The following POLN variants were observed in gnomAD, a reference collection of about 807,000 sequenced individuals.
POLN encodes DNA polymerase nu, also known as DNA polymerase N.
A neutral mutation model predicts 113.5 loss-of-function variants in POLN; 108 were observed. That is an observed-to-expected ratio of 0.95 (90% CI 0.81 to 1.12). POLN has a LOEUF of 1.12. POLN is among the 50% of genes most tolerant of loss of function. The probability of loss-of-function intolerance (pLI) is 0.00; values close to 1 mark genes in which losing one functional copy is unlikely to be tolerated. For missense variants in POLN, 1,097 were observed against 1,077.1 expected (o/e 1.02, Z -0.26); for synonymous variants, 386 against 391.5 (o/e 0.99, Z 0.17).
chr4:2,092,546 G>A (rs566636068), intron 20 of POLN, among the ~76,000 whole-genome samples: 1 of 152,348 alleles, frequency 6.6e-6, no homozygotes, highest in Admixed American at 6.5e-5. Context: ...CTCCCCCACG[G>A]TGGCTGCGGG....
At chr4:2,198,500 A>G in intron 6 of POLN, 24 bp downstream of exon 6, 1 of 1,587,900 alleles carries the variant, frequency 6.3e-7, no homozygotes, top group Non-Finnish European at 8.6e-7. Flanking sequence ...GTAGGGTGTG[A>G]GCCCATGTGT....
intron 13 of POLN, among the ~76,000 whole-genome samples, chr4:2,169,984 G>A (rs1732819873): frequency 1.3e-5 from 2 of 152,238 alleles, no homozygotes; most frequent in Non-Finnish European, 2.9e-5. Flanking sequence ...CACCCTCACA[G>A]GGCGGAGACT....
At chr4:2,199,575 C>T (rs926553438) in intron 5 of POLN, among the ~76,000 whole-genome samples, 1 of 151,960 alleles carries the variant, frequency 6.6e-6, no homozygotes, top group Non-Finnish European at 1.5e-5. Flanking sequence ...TATATATATA[C>T]TTTTATTTTA....
Position 2,072,990 on chromosome 4 carries a change from T to C in POLN, c.2495A>G (p.Gln832Arg). The C allele has an allele frequency of 1.2e-6, 2 of 1,613,450 alleles. No homozygotes were observed. The highest frequency in any genetic ancestry group is 1.7e-6 in the Non-Finnish European group (2 of 1,179,928). The change falls in exon 25 of 26, where the codon CAG becomes CGG. Residue 832 changes from glutamine (Q) to arginine (R), a missense_variant. Gln to Arg is a conservative substitution (Grantham distance 43). Transcript: ENST00000511885. ...CACCTGAAGCTGCAGCTCCAATGCC[T>C]GCACCTGTTCCAAGGACTCCATGGT... ...RRTMESLEQV[Q>R]ALELQLQVPL...
rs1406375493 is a variant in POLN, at chr4:2,179,341, G to A, written c.1146C>T (p.Asn382=). The change falls in exon 8 of 26, where the codon AAC becomes AAT. Residue 382 remains asparagine (N), a synonymous_variant. Transcript: ENST00000511885. ...YCEKSITVKV[N]STYGNSSRNI... ...TTCTTGAGGAATTTCCATATGTGCT[G>A]TTCACTTTAACTGTAATGGATTTTT... 8 of 1,613,204 alleles carry A rather than the reference G, an allele frequency of 5.0e-6. No homozygotes were observed. Among genetic ancestry groups the A allele is most frequent in the Non-Finnish European group, 5.9e-6 (7 of 1,179,376 alleles).
rs941355802 is a variant in POLN, at chr4:2,090,018, G to C, written c.2066-4274C>G. The C allele has an allele frequency of 1.1e-5, 10 of 886,872 alleles. No homozygotes were observed. In the African/African-American group the frequency reaches 1.7e-4, roughly 15 times the overall value. 54.9% of individuals were successfully genotyped at this position (886,872 alleles called of 1,614,324 possible). On this transcript the variant is annotated intron_variant, in intron 20 of 25. Coordinates refer to ENST00000511885, the MANE Select transcript of POLN (RefSeq NM_181808.4). ...GTCTGTCAAGTTTCTTTTTCCTATGGAGTAAACAGTGACTTGGAACTGAAG... is the reference window on the plus strand; with the variant it reads ...GTCTGTCAAGTTTCTTTTTCCTATGCAGTAAACAGTGACTTGGAACTGAAG...
At chr4:2,170,863 G>A (rs922864476) in intron 12 of POLN, 89 bp from the exon 13 acceptor site, 2 of 1,188,338 alleles carry the variant, frequency 1.7e-6, no homozygotes, top group African/African-American at 3.0e-5. Flanking sequence ...CCAACAGCCA[G>A]AGAAGACACA....
At chr4:2,080,729 T>C in intron 23 of POLN, 1 of 1,417,088 alleles carries the variant, frequency 7.1e-7, no homozygotes, top group East Asian at 2.6e-5. Context: ...GGAGACAGCA[T>C]TTCTGTCTGG....
intron 9 of POLN, 135 bp from the exon 10 acceptor site, chr4:2,174,886 G>A: frequency 4.9e-6 from 3 of 611,464 alleles, no homozygotes; most frequent in East Asian, 3.1e-5. Flanking sequence ...GCAGTGGCGT[G>A]ATCTCAGCGC....
intron 3 of POLN, among the ~76,000 whole-genome samples, chr4:2,221,539 T>A (rs929918196): frequency 6.6e-6 from 1 of 152,170 alleles, no homozygotes; most frequent in Admixed American, 6.5e-5. Flanking sequence ...GGAAGGCTGA[T>A]CAAGGACTCA....
Position 2,173,954 on chromosome 4 carries a change from C to T in POLN, c.1374+1G>A. 6.2e-7 allele frequency: 1 copy of T among 1,613,840 alleles called. No individual in the cohort carries two copies. The highest frequency in any genetic ancestry group is 8.5e-7 in the Non-Finnish European group (1 of 1,179,714). ...ACAAACCATCTGGAATAATAACTTA[C>T]CCCAAGAAGTGCTGACGTCTTCTCC... is the stretch of plus-strand genomic sequence containing the variant. On this transcript the variant is annotated splice_donor_variant, in intron 11 of 25. Coordinates refer to ENST00000511885, the MANE Select transcript of POLN (RefSeq NM_181808.4). LOFTEE classifies it high-confidence loss of function.
chr4:2,102,409 G>A (rs1349035533), intron 19 of POLN, among the ~76,000 whole-genome samples: 2 of 152,150 alleles, frequency 1.3e-5, no homozygotes, highest in Non-Finnish European at 2.9e-5. Context: ...CTGCTGGCCT[G>A]GGGGCTGGCC....
intron 4 of POLN, 86 bp from the exon 5 acceptor site, chr4:2,208,573 C>A: frequency 8.6e-7 from 1 of 1,156,168 alleles, no homozygotes; most frequent in Non-Finnish European, 1.2e-6. Context: ...AAAAACTTGT[C>A]TAAGGTAATA....
intron 19 of POLN, among the ~76,000 whole-genome samples, chr4:2,114,803 C>G (rs1731277383): frequency 6.6e-6 from 1 of 151,930 alleles, no homozygotes; most frequent in Non-Finnish European, 1.5e-5. Context: ...AAATTCTCAG[C>G]CATCATACCT....
At chr4:2,188,839 AAC>A (rs1369918969) in intron 7 of POLN, among the ~76,000 whole-genome samples, 1 of 152,200 alleles carries the variant, frequency 6.6e-6, no homozygotes, top group Non-Finnish European at 1.5e-5. Flanking sequence ...GCCATATAAA[AAC>A]ACATAAATCG....
At chr4:2,094,012 G>A (rs186289930) in intron 20 of POLN, among the ~76,000 whole-genome samples, 2 of 152,248 alleles carry the variant, frequency 1.3e-5, no homozygotes, top group African/African-American at 4.8e-5. Context: ...TGAGGCCCAT[G>A]TGGCAAGGAG....
Position 2,207,993 on chromosome 4 carries a change from A to G in POLN, c.708T>C (p.Ala236=), listed in dbSNP as rs780118627. The part of the protein sequence containing the change: ...MYTDGSTQLG[A]DQTPVSSVRG... ...AACATCACTGTTTACTAACCTGGTC[A>G]GCTCCTAGCTGGGTGGAACCATCAG... is the stretch of plus-strand genomic sequence containing the variant. Residue 236 remains alanine (A), a synonymous_variant, in exon 5 of 26, where the codon GCT becomes GCC. Coordinates refer to ENST00000511885, the MANE Select transcript of POLN (RefSeq NM_181808.4). 2 of 1,598,088 alleles carry G rather than the reference A, an allele frequency of 1.3e-6. No homozygotes were observed. The highest frequency in any genetic ancestry group is 1.7e-4 in the Middle Eastern group (1 of 5,968).
intron 13 of POLN, among the ~76,000 whole-genome samples, chr4:2,160,893 A>C (rs1272588709): frequency 6.6e-6 from 1 of 152,140 alleles, no homozygotes; most frequent in African/African-American, 2.4e-5. Context: ...TTTGCTTTTG[A>C]TATTTAGATA....
chr4:2,078,974 G>C, intron 23 of POLN: 2 of 965,026 alleles, frequency 2.1e-6, no homozygotes, highest in Non-Finnish European at 2.5e-6. Context: ...CTGTTGCCCA[G>C]GCTGGAGTGC....
Sources: gnomAD v4.1 joint callset for allele counts (sites outside exome capture counted in the v4.1 genomes callset) on GRCh38, gnomAD v4.1.1 for gene constraint, MANE v1.5 for transcripts, NCBI Gene and HGNC (gene_info 2026-07-23, HGNC 2026-07-21) for gene names.